CCDC85C: variants seen among roughly 807,000 people sequenced by gnomAD.
CCDC85C encodes the protein coiled-coil domain containing 85C, also known as coiled-coil domain-containing protein 85C.
CCDC85C carries 18 observed loss-of-function variants against 38.3 expected under a neutral mutation model. The ratio of observed to expected loss-of-function variants is 0.47; its 90% confidence interval spans 0.33 to 0.70. CCDC85C has a LOEUF of 0.70. CCDC85C is among the 30% of genes least tolerant of loss of function. The probability of loss-of-function intolerance (pLI) is 0.03; values close to 1 mark genes in which losing one functional copy is unlikely to be tolerated. For synonymous variants in CCDC85C, 264 were observed against 293.8 expected (o/e 0.90, Z 1.04); for missense variants, 566 against 621.2 (o/e 0.91, Z 0.94).
Position 99,548,368 on chromosome 14 carries a change from G to A in CCDC85C, c.794-12280C>T, listed in dbSNP as rs567926999. Among the ~76,000 whole-genome samples the A allele has an allele frequency of 9.9e-5, 15 of 152,234 alleles. No individual in the cohort carries two copies. Among genetic ancestry groups the A allele is most frequent in the Admixed American group, 7.2e-4 (11 of 15,286 alleles). On this transcript the variant is annotated intron_variant, in intron 1 of 5. Transcript: ENST00000380243. This position sits in a 1 kb window ranked among gnomAD's most constrained non-coding sequence, Gnocchi z 4.9. ...GACAATGAGATGCCACTGGATTGGC[G>A]GAGAGTAAAAAGTGGTCATGCTGTG...
Position 99,505,972 on chromosome 14 carries a change from A to G in CCDC85C, c.*9274T>C, listed in dbSNP as rs1228529854. 1 of 152,568 alleles carries G rather than the reference A, an allele frequency of 6.6e-6. No individual in the cohort carries two copies. The highest frequency in any genetic ancestry group is 1.5e-5 in the Non-Finnish European group (1 of 68,238). 9.5% of individuals were successfully genotyped at this position (152,568 alleles called of 1,614,324 possible). A position where few individuals can be genotyped will look rare whatever the true frequency, so the allele number is the denominator to read the frequency against. On this transcript the variant is annotated 3_prime_UTR_variant, in exon 6 of 6. Coordinates refer to ENST00000380243, the MANE Select transcript of CCDC85C (RefSeq NM_001144995.2). ...TAGCTAACTATTACCAGCTGTGGAA[A>G]AAGGCAGGAGGTGGGTCCCTGAGGT...
chr14:99,546,160 T>C (rs1213452336), intron 1 of CCDC85C, among the ~76,000 whole-genome samples: 1 of 151,526 alleles, frequency 6.6e-6, no homozygotes, highest in Non-Finnish European at 1.5e-5. Flanking sequence ...AGAAAGTGTG[T>C]GGGGGCTGCT....
intron 1 of CCDC85C, among the ~76,000 whole-genome samples, chr14:99,600,759 G>A (rs1035199938): frequency 1.3e-5 from 2 of 152,252 alleles, no homozygotes; most frequent in Non-Finnish European, 1.5e-5. Context: ...TAAGGCGCAA[G>A]CCTGGTGTCT....
Position 99,535,933 on chromosome 14 carries a change from A to T in CCDC85C, c.867+82T>A. 1 of 1,067,808 alleles carries T rather than the reference A, an allele frequency of 9.4e-7. No homozygotes were observed. The highest frequency in any genetic ancestry group is 1.3e-5 in the South Asian group (1 of 74,096). The allele number at this position is 1,067,808 out of a possible 1,614,324, so 66.1% of individuals were successfully genotyped here. ...AGTTGGGGGGACAGCCTAGGTCCCA[A>T]GGGGAAGGGTGCCCTGGGTGAGCTG... is the stretch of plus-strand genomic sequence containing the variant. On this transcript the variant is annotated intron_variant, in intron 2 of 5. Transcript: ENST00000380243. This position sits in a 1 kb window ranked among gnomAD's most constrained non-coding sequence, Gnocchi z 5.5.
intron 2 of CCDC85C, among the ~76,000 whole-genome samples, chr14:99,532,772 TCTTC>T (rs1897517180): frequency 7.9e-6 from 1 of 127,366 alleles, no homozygotes; most frequent in Non-Finnish European, 1.7e-5. Context: ...TGGTTCTTCT[TCTTC>T]TTCTTCTTTT....
intron 1 of CCDC85C, among the ~76,000 whole-genome samples, chr14:99,538,934 C>A (rs972457672): frequency 5.3e-5 from 8 of 152,136 alleles, no homozygotes; most frequent in Non-Finnish European, 1.2e-4. Context: ...CTACCATCCC[C>A]CACATCGGGC....
intron 1 of CCDC85C, among the ~76,000 whole-genome samples, chr14:99,584,827 C>T (rs368832952): frequency 4.6e-5 from 7 of 152,298 alleles, no homozygotes; most frequent in South Asian, 2.1e-4. Context: ...GCGCAGTGGA[C>T]GCTGTAATCC....
chr14:99,571,270 C>T (rs1030120410), intron 1 of CCDC85C, among the ~76,000 whole-genome samples: 6 of 152,170 alleles, frequency 3.9e-5, no homozygotes, highest in Admixed American at 3.3e-4. Flanking sequence ...AAACTCCCTC[C>T]CCAGGCCATC....
chr14:99,549,405 G>A (rs1268471779), intron 1 of CCDC85C, among the ~76,000 whole-genome samples: 11 of 152,190 alleles, frequency 7.2e-5, no homozygotes, highest in Admixed American at 7.2e-4. Context: ...AGCAGCAGTT[G>A]AGAGCCCCAG....
At chr14:99,590,759 AG>A (rs1338664942) in intron 1 of CCDC85C, among the ~76,000 whole-genome samples, 5 of 152,324 alleles carry the variant, frequency 3.3e-5, no homozygotes, top group African/African-American at 7.2e-5. Context: ...AGTCTGACCC[AG>A]GTCCAGTCTC....
In CCDC85C at chr14:99,604,137, G is replaced by C; in HGVS notation, c.-178C>G. ...CCGCCGGGGCCGCCCGGGAGCCCGCGCGCCTCGGGGTTGACGAGCGGAGGC... is the reference window on the plus strand; with the variant it reads ...CCGCCGGGGCCGCCCGGGAGCCCGCCCGCCTCGGGGTTGACGAGCGGAGGC... On this transcript the variant is annotated 5_prime_UTR_variant, in exon 1 of 6. Transcript: ENST00000380243. 5.7e-4 allele frequency: 172 copies of C among 302,702 alleles called. No homozygotes were observed. Among genetic ancestry groups the C allele is most frequent in the Non-Finnish European group, 7.3e-4 (154 of 209,882 alleles). 18.8% of individuals were successfully genotyped at this position (302,702 alleles called of 1,614,324 possible). A position where few individuals can be genotyped will look rare whatever the true frequency, so the allele number is the denominator to read the frequency against.
intron 1 of CCDC85C, among the ~76,000 whole-genome samples, chr14:99,580,904 A>G (rs112859236): frequency 6.6e-6 from 1 of 152,130 alleles, no homozygotes; most frequent in African/African-American, 2.4e-5. Context: ...CTTCTTCCAG[A>G]AGACATGGGA....
intron 1 of CCDC85C, among the ~76,000 whole-genome samples, chr14:99,600,550 A>C (rs2055187989): frequency 6.6e-6 from 1 of 152,216 alleles, no homozygotes; most frequent in South Asian, 2.1e-4. Context: ...CAACAGACCA[A>C]GGGCACAACA....
At position 99,510,059 on chromosome 14, in the gene CCDC85C, C is replaced by T. The variant is rs1440084617; in HGVS notation, c.*5187G>A. 2 of 1,268,380 alleles carry T rather than the reference C, an allele frequency of 1.6e-6. No individual in the cohort carries two copies. Among genetic ancestry groups the T allele is most frequent in the East Asian group, 2.5e-5 (1 of 39,496 alleles). 78.6% of individuals were successfully genotyped at this position (1,268,380 alleles called of 1,614,324 possible). On this transcript the variant is annotated 3_prime_UTR_variant, in exon 6 of 6. Transcript: ENST00000380243. ...CCACAGAGGAGGCGGGCAGCTGCTC[C>T]CTGCTCCTCTGTAAAGATGGCCCTG...
chr14:99,540,166 G>A (rs1257104029), intron 1 of CCDC85C, among the ~76,000 whole-genome samples: 3 of 151,944 alleles, frequency 2.0e-5, no homozygotes, highest in South Asian at 2.1e-4. Context: ...GGGGGGGAAC[G>A]GATTAAACTC....
rs183891152 is a variant in CCDC85C, at chr14:99,535,635, G to A, written c.867+380C>T. Reference sequence around the variant, plus strand: ...GGGGAACCCAGCCCAGGGAGGTACCGGCCAGTGAGTCCAGCACGGCAGAGG... The same window carrying A: ...GGGGAACCCAGCCCAGGGAGGTACCAGCCAGTGAGTCCAGCACGGCAGAGG... On this transcript the variant is annotated intron_variant, in intron 2 of 5. Coordinates refer to ENST00000380243, the MANE Select transcript of CCDC85C (RefSeq NM_001144995.2). This position sits in a 1 kb window ranked among gnomAD's most constrained non-coding sequence, Gnocchi z 5.5. Among the ~76,000 whole-genome samples the A allele has an allele frequency of 4.5e-4, 68 of 152,290 alleles. No individual in the cohort carries two copies. The highest frequency in any genetic ancestry group is 4.4e-3 in the Admixed American group (67 of 15,304).
At position 99,501,640 on chromosome 14, in the gene CCDC85C, TCAC is replaced by T. The variant is rs1896833549; in HGVS notation, c.*13603_*13605del. Reference sequence around the variant, plus strand: ...GGTGTTGTGAGGTGCTGAAATTTTATCACCAGTCTGAAACATAAGTCCAAAACA... The same window carrying T: ...GGTGTTGTGAGGTGCTGAAATTTTATCAGTCTGAAACATAAGTCCAAAACA... On this transcript the variant is annotated 3_prime_UTR_variant, in exon 6 of 6. Transcript: ENST00000380243. 1.9e-6 allele frequency: 1 copy of T among 521,758 alleles called. No individual in the cohort carries two copies. The highest frequency in any genetic ancestry group is 3.7e-5 in the Admixed American group (1 of 27,382). 32.3% of individuals were successfully genotyped at this position (521,758 alleles called of 1,614,324 possible).
chr14:99,564,883 G>T (rs1031671644), intron 1 of CCDC85C, among the ~76,000 whole-genome samples: 9 of 152,210 alleles, frequency 5.9e-5, no homozygotes, highest in Non-Finnish European at 1.3e-4. Context: ...GGTGGGGAGG[G>T]CGTGGGGACA....
chr14:99,555,182 G>A (rs933766518), intron 1 of CCDC85C, among the ~76,000 whole-genome samples: 18 of 152,212 alleles, frequency 1.2e-4, no homozygotes, highest in Non-Finnish European at 2.5e-4. Context: ...CACGCCCACA[G>A]GTGAGAGGTG....
Sources: allele counts gnomAD v4.1 joint callset (sites outside exome capture counted in the v4.1 genomes callset), GRCh38; gene constraint gnomAD v4.1.1; non-coding constraint Gnocchi (gnomAD v3.1); transcripts MANE v1.5; gene names NCBI Gene and HGNC (gene_info 2026-07-23, HGNC 2026-07-21).